TUSC3: variants seen among roughly 807,000 people sequenced by gnomAD.
TUSC3 encodes the protein dolichyl-diphosphooligosaccharide--protein glycosyltransferase subunit TUSC3.
In TUSC3, 45 loss-of-function variants were observed where a neutral mutation model predicts 44.8. That is an observed-to-expected ratio of 1.00 (90% CI 0.79 to 1.29). TUSC3 has a LOEUF of 1.29. TUSC3 is among the 50% of genes most tolerant of loss of function. The probability of loss-of-function intolerance (pLI) is 0.00; values close to 1 mark genes in which losing one functional copy is unlikely to be tolerated. For synonymous variants in TUSC3, 212 were observed against 152.9 expected (o/e 1.39, Z -2.85); for missense variants, 519 against 437.9 (o/e 1.19, Z -1.65).
intron 1 of TUSC3, among the ~76,000 whole-genome samples, chr8:15,556,492 G>A (rs62504175): frequency 0.2 from 29,525 of 150,830 alleles, 3,226 homozygotes; most frequent in South Asian, 0.25. Context: ...ATAGCAATAC[G>A]ATTTATAGTC....
chr8:15,627,619 C>G (rs1424091223), intron 2 of TUSC3, among the ~76,000 whole-genome samples: 1 of 152,222 alleles, frequency 6.6e-6, no homozygotes, highest in African/African-American at 2.4e-5. Flanking sequence ...CTGTGACTCC[C>G]TTTTTGGGGC....
chr8:15,676,688 G>A (rs962060198), intron 6 of TUSC3, among the ~76,000 whole-genome samples: 6 of 152,106 alleles, frequency 3.9e-5, no homozygotes, highest in African/African-American at 1.4e-4. Context: ...TAGAGGCCAG[G>A]AATGCTGCTA....
At chr8:15,797,791 T>G in the TUSC3 span, among the ~76,000 whole-genome samples, 1 of 152,190 alleles carries the variant, frequency 6.6e-6, no homozygotes, top group Non-Finnish European at 1.5e-5. Flanking sequence ...ACACAGCAAG[T>G]GCTATCAATC....
the TUSC3 span, among the ~76,000 whole-genome samples, chr8:15,784,289 G>T: frequency 6.6e-6 from 1 of 152,038 alleles, no homozygotes; most frequent in African/African-American, 2.4e-5. Context: ...CAATGTGAAG[G>T]TTCCTCAAAA....
chr8:15,552,827 A>G (rs903264096), intron 1 of TUSC3, among the ~76,000 whole-genome samples: 11 of 151,712 alleles, frequency 7.3e-5, no homozygotes, highest in East Asian at 5.9e-4. Flanking sequence ...TGCTATGGCT[A>G]TGCTGTGGAG....
At chr8:15,634,041 C>T (rs7016983) in intron 2 of TUSC3, among the ~76,000 whole-genome samples, 28,306 of 152,126 alleles carry the variant, frequency 0.19, 3,176 homozygotes, top group South Asian at 0.33. Context: ...GATCCGAGGG[C>T]TGTATACTTC....
chr8:15,417,918 A>G (rs901879269), intron 1 of TUSC3, among the ~76,000 whole-genome samples: 1 of 152,192 alleles, frequency 6.6e-6, no homozygotes, highest in Non-Finnish European at 1.5e-5. Context: ...GCCTGCCGAT[A>G]TTAATGAGAT....
chr8:15,540,659 C>A, intron 1 of TUSC3, 91 bp downstream of exon 1: 1 of 1,426,666 alleles, frequency 7.0e-7, no homozygotes, highest in Non-Finnish European at 9.2e-7. Context: ...TGCTAGGCAG[C>A]CTGGTCGCCG....
intron 1 of TUSC3, among the ~76,000 whole-genome samples, chr8:15,564,411 G>C (rs1451036277): frequency 6.6e-6 from 1 of 152,006 alleles, no homozygotes; most frequent in Non-Finnish European, 1.5e-5. Context: ...GAAAATTGTG[G>C]AATCCACTGT....
chr8:15,684,611 C>T (rs753956106), intron 6 of TUSC3, among the ~76,000 whole-genome samples: 4 of 152,150 alleles, frequency 2.6e-5, no homozygotes, highest in Non-Finnish European at 4.4e-5. Flanking sequence ...GCGTTCCTCC[C>T]GGACTGGTCT....
intron 1 of TUSC3, among the ~76,000 whole-genome samples, chr8:15,588,313 A>G (rs904279551): frequency 2.0e-5 from 3 of 152,142 alleles, no homozygotes; most frequent in Admixed American, 6.6e-5. Flanking sequence ...ATGATCAGTG[A>G]TGTTGCACAT....
At chr8:15,657,776 G>C (rs1807239374) in intron 3 of TUSC3, among the ~76,000 whole-genome samples, 1 of 152,150 alleles carries the variant, frequency 6.6e-6, no homozygotes. Context: ...GTGCCTCTGA[G>C]ACCAGTGTTT....
chr8:15,514,851 C>G lies in TUSC3; in HGVS notation n.189+31368C>G, dbSNP rs114526329. On this transcript the variant is annotated intron_variant and non_coding_transcript_variant, in intron 2 of 5. Transcript: ENST00000503191. ...CTCGCTAGGCTGATTGATTTCAACTCTCTCAGCCTCAGATTCCTTATCAAT... is the reference window on the plus strand; with the variant it reads ...CTCGCTAGGCTGATTGATTTCAACTGTCTCAGCCTCAGATTCCTTATCAAT... Among the ~76,000 whole-genome samples the G allele has an allele frequency of 5.6e-3, 848 of 152,258 alleles. 10 individuals carry two copies. Among genetic ancestry groups the G allele is most frequent in the African/African-American group, 0.019 (793 of 41,524 alleles).
intron 9 of TUSC3, 193 bp downstream of exon 9, chr8:15,748,658 G>A: frequency 2.7e-6 from 2 of 732,618 alleles, no homozygotes; most frequent in African/African-American, 1.7e-5. Flanking sequence ...CATGGTTCTT[G>A]TTCCCTGACA....
chr8:15,827,928 T>C, the TUSC3 span, among the ~76,000 whole-genome samples: 1 of 152,076 alleles, frequency 6.6e-6, no homozygotes, highest in African/African-American at 2.4e-5. Flanking sequence ...ATGGATTCAA[T>C]TGTGTATATC....
chr8:15,806,335 T>G, the TUSC3 span: 1 of 723,942 alleles, frequency 1.4e-6, no homozygotes, highest in African/African-American at 1.7e-5. Context: ...CCCTGCTTCT[T>G]TATGATTTCT....
chr8:15,835,551 ATT>A, the TUSC3 span, among the ~76,000 whole-genome samples: 2 of 151,988 alleles, frequency 1.3e-5, no homozygotes, highest in African/African-American at 4.8e-5. Flanking sequence ...TTTTCTGAGC[ATT>A]GTTTTATACA....
At chr8:15,492,557 T>C (rs1433700586) in intron 2 of TUSC3, among the ~76,000 whole-genome samples, 2 of 152,118 alleles carry the variant, frequency 1.3e-5, no homozygotes, top group Non-Finnish European at 2.9e-5. Flanking sequence ...TTTCTGGAAG[T>C]GTTTAAACAA....
intron 2 of TUSC3, among the ~76,000 whole-genome samples, chr8:15,503,445 T>G (rs537691448): frequency 9.2e-5 from 14 of 151,616 alleles, no homozygotes; most frequent in African/African-American, 3.4e-4. Flanking sequence ...TTCTAGGACC[T>G]TCTTCTTCTG....
Sources: allele counts gnomAD v4.1 joint callset (sites outside exome capture counted in the v4.1 genomes callset), GRCh38; gene constraint gnomAD v4.1.1; transcripts MANE v1.5; gene names NCBI Gene and HGNC (gene_info 2026-07-23, HGNC 2026-07-21).